CERKL: variants seen among roughly 807,000 people sequenced by gnomAD.
CERKL encodes CERK like autophagy regulator.
Under a neutral mutation model 63.4 loss-of-function variants are expected in CERKL, and 61 were observed. That is an observed-to-expected ratio of 0.96 (90% CI 0.78 to 1.19). The LOEUF (loss-of-function observed/expected upper bound fraction) is 1.19, where lower values mean the gene tolerates loss of function less well. Among genes scored for constraint, CERKL ranks in the 50% most tolerant of loss-of-function variants. The pLI, the probability that CERKL is intolerant of heterozygous loss-of-function variation, is 0.00. For missense variants in CERKL, 675 were observed against 655.5 expected, an observed-to-expected ratio of 1.03 and a Z score of -0.33; for synonymous variants, 250 against 230.5, an observed-to-expected ratio of 1.08 and a Z score of -0.77.
Position 181,547,713 on chromosome 2 carries a change from T to C in CERKL, c.1173A>G (p.Gln391=), listed in dbSNP as rs763439339. ...QGSPKSDCND[Q]WQMIQGQFLN... ...AGAACTGACCCTGGATCATTTGCCA[T>C]TGATCATTACAGTCTAAAGGTAATG... Residue 391 remains glutamine (Q), a synonymous_variant, in exon 10 of 13, where the codon CAA becomes CAG. Coordinates refer to ENST00000410087, the MANE Select transcript of CERKL (RefSeq NM_201548.5). The C allele has an allele frequency of 5.6e-6, 9 of 1,613,864 alleles. No homozygotes were observed. The highest frequency in any genetic ancestry group is 3.3e-5 in the South Asian group (3 of 91,082).
At chr2:181,575,904 C>A (rs1407275418) in intron 2 of CERKL, among the ~76,000 whole-genome samples, 1 of 152,122 alleles carries the variant, frequency 6.6e-6, no homozygotes, top group Non-Finnish European at 1.5e-5. Context: ...CTCAGTGAAG[C>A]CTTTCTTAAT....
At chr2:181,604,738 T>C (rs1685606894) in intron 1 of CERKL, among the ~76,000 whole-genome samples, 1 of 152,172 alleles carries the variant, frequency 6.6e-6, no homozygotes. Flanking sequence ...AAAGGAAATA[T>C]ACATTCCCAT....
At position 181,558,692 on chromosome 2, in the gene CERKL, C is replaced by T. The variant is rs78484040; in HGVS notation, c.694G>A (p.Gly232Arg). ...GCTACTTCGCTAGCAGATCCATCTC[C>T]ACCAACACAGACAACACTAGAAAAA... is the stretch of plus-strand genomic sequence containing the variant. Reference protein sequence around the residue: ...QGFDGVVCVGGDGSASEVAHA... With the variant: ...QGFDGVVCVGRDGSASEVAHA... The change falls in exon 5 of 13, where the codon GGA becomes AGA. Residue 232 changes from glycine to arginine, a missense_variant. Coordinates refer to ENST00000410087, the MANE Select transcript of CERKL (RefSeq NM_201548.5). This position sits in a 1 kb window ranked among gnomAD's most constrained non-coding sequence, Gnocchi z 4.2. 1 of 1,613,596 alleles carries T rather than the reference C, an allele frequency of 6.2e-7. No individual in the cohort carries two copies. The highest frequency in any genetic ancestry group is 2.2e-5 in the East Asian group (1 of 44,802).
At position 181,558,748 on chromosome 2, in the gene CERKL, G is replaced by T. The variant is rs1367017122; in HGVS notation, c.678-40C>A. Reference sequence around the variant, plus strand: ...ATCAAGCAAAGAAGGCAAAACTTCAGAATGATTGGTAATAAGTCATGAAAT... The same window carrying T: ...ATCAAGCAAAGAAGGCAAAACTTCATAATGATTGGTAATAAGTCATGAAAT... On this transcript the variant is annotated intron_variant, in intron 4 of 12. Transcript: ENST00000410087. The surrounding 1 kb of genome is among the most constrained non-coding windows in gnomAD (Gnocchi z 4.2). 6.2e-7 allele frequency: 1 copy of T among 1,605,860 alleles called. No homozygotes were observed. The highest frequency in any genetic ancestry group is 1.1e-5 in the South Asian group (1 of 90,882).
chr2:181,630,689 C>A (rs1032730195), intron 1 of CERKL, among the ~76,000 whole-genome samples: 1 of 152,164 alleles, frequency 6.6e-6, no homozygotes, highest in African/African-American at 2.4e-5. Flanking sequence ...TGATTTTGGA[C>A]TTCTAGCCTC....
At chr2:181,619,954 A>C (rs1361182840) in intron 1 of CERKL, among the ~76,000 whole-genome samples, 2 of 152,252 alleles carry the variant, frequency 1.3e-5, no homozygotes, top group Non-Finnish European at 2.9e-5. Flanking sequence ...GTAGTAGTTC[A>C]AGGTAAGTCT....
intron 1 of CERKL, among the ~76,000 whole-genome samples, chr2:181,605,643 A>G (rs1685644307): frequency 6.6e-6 from 1 of 152,206 alleles, no homozygotes; most frequent in Non-Finnish European, 1.5e-5. Context: ...TGCCAAAAAA[A>G]TATTTACAGG....
intron 3 of CERKL, among the ~76,000 whole-genome samples, chr2:181,566,343 A>G (rs1688666181): frequency 6.6e-6 from 1 of 152,222 alleles, no homozygotes; most frequent in African/African-American, 2.4e-5. Context: ...TGTTTCAACT[A>G]CATAAAGTCA....
At chr2:181,627,917 C>G (rs1686782198) in intron 1 of CERKL, among the ~76,000 whole-genome samples, 1 of 152,124 alleles carries the variant, frequency 6.6e-6, no homozygotes, top group Non-Finnish European at 1.5e-5. Context: ...GATGAAGGAG[C>G]TGTTAGGAAT....
At chr2:181,646,228 C>T (rs1220815605) in intron 1 of CERKL, among the ~76,000 whole-genome samples, 1 of 152,160 alleles carries the variant, frequency 6.6e-6, no homozygotes, top group Non-Finnish European at 1.5e-5. Flanking sequence ...GCTAGAGTTA[C>T]CTTCAGAATC....
chr2:181,551,055 AC>A, intron 5 of CERKL, among the ~76,000 whole-genome samples: 1 of 152,246 alleles, frequency 6.6e-6, no homozygotes, highest in Admixed American at 6.5e-5. Context: ...AGACAATAAT[AC>A]CCATTCTCAC....
chr2:181,616,576 G>A (rs1686208905), intron 1 of CERKL, among the ~76,000 whole-genome samples: 1 of 152,094 alleles, frequency 6.6e-6, no homozygotes, highest in South Asian at 2.1e-4. Flanking sequence ...TACCTATGAT[G>A]TAAAAGTGAC....
intron 2 of CERKL, among the ~76,000 whole-genome samples, chr2:181,592,847 A>T (rs1685044839): frequency 6.6e-6 from 1 of 152,176 alleles, no homozygotes; most frequent in Non-Finnish European, 1.5e-5. Context: ...TCCATGACAC[A>T]CCAAGAAATC....
intron 2 of CERKL, among the ~76,000 whole-genome samples, chr2:181,596,521 C>T (rs898769218): frequency 6.6e-6 from 1 of 152,152 alleles, no homozygotes; most frequent in African/African-American, 2.4e-5. Context: ...GAACCTTTGC[C>T]ATGTCTGTCA....
At chr2:181,567,388 C>A (rs2105835629) in intron 3 of CERKL, among the ~76,000 whole-genome samples, 1 of 152,214 alleles carries the variant, frequency 6.6e-6, no homozygotes, top group East Asian at 1.9e-4. Context: ...CCAAGCCTTA[C>A]TTTTATACCA....
chr2:181,582,925 T>C (rs1684591382), intron 2 of CERKL, among the ~76,000 whole-genome samples: 1 of 152,168 alleles, frequency 6.6e-6, no homozygotes, highest in Admixed American at 6.6e-5. Flanking sequence ...AAACCTAGTC[T>C]ACCTATCCAC....
At chr2:181,620,077 T>A (rs1194711724) in intron 1 of CERKL, among the ~76,000 whole-genome samples, 1 of 152,182 alleles carries the variant, frequency 6.6e-6, no homozygotes, top group African/African-American at 2.4e-5. Context: ...GGGCAACTGT[T>A]GCTATGAGAA....
chr2:181,547,969 TTTC>T (rs1687809586), intron 8 of CERKL, 122 bp from the exon 9 acceptor site: 3 of 948,778 alleles, frequency 3.2e-6, no homozygotes, highest in Admixed American at 2.3e-5. Context: ...TGTTAAATAC[TTTC>T]TTCAATTAGA....
intron 4 of CERKL, among the ~76,000 whole-genome samples, chr2:181,561,138 T>C (rs1192069465): frequency 6.6e-6 from 1 of 152,098 alleles, no homozygotes; most frequent in Non-Finnish European, 1.5e-5. Context: ...ATGTAAATCA[T>C]TGGCCAGGCT....
Sources: gnomAD v4.1 joint callset for allele counts (sites outside exome capture counted in the v4.1 genomes callset) on GRCh38, gnomAD v4.1.1 for gene constraint, Gnocchi (gnomAD v3.1) non-coding constraint, MANE v1.5 for transcripts, NCBI Gene and HGNC (gene_info 2026-07-23, HGNC 2026-07-21) for gene names.